KIAA1549: variants seen among roughly 807,000 people sequenced by gnomAD.
KIAA1549 encodes the protein UPF0606 protein KIAA1549.
KIAA1549 carries 70 observed loss-of-function variants against 156.4 expected under a neutral mutation model. That is an observed-to-expected ratio of 0.45 (90% CI 0.37 to 0.55). The LOEUF is 0.55. KIAA1549 is among the 20% of genes least tolerant of loss of function. KIAA1549 has a pLI of 0.00. For missense variants in KIAA1549, 2,428 were observed against 2,540.9 expected (o/e 0.96, Z 0.96); for synonymous variants, 1,103 against 1,066.4 (o/e 1.03, Z -0.67).
chr7:138,895,994 T>C (rs1204639623), intron 9 of KIAA1549, among the ~76,000 whole-genome samples: 8 of 137,628 alleles, frequency 5.8e-5, no homozygotes, highest in African/African-American at 2.1e-4. Flanking sequence ...CCCACTTCTC[T>C]TTCACGGCAT....
chr7:138,975,565 C>A (rs6952500), intron 1 of KIAA1549, among the ~76,000 whole-genome samples: 1 of 152,026 alleles, frequency 6.6e-6, no homozygotes, highest in Non-Finnish European at 1.5e-5. Flanking sequence ...CTTTCTTACA[C>A]CGAGGAGGAA....
intron 10 of KIAA1549, among the ~76,000 whole-genome samples, chr7:138,892,195 C>G (rs143846738): frequency 6.6e-6 from 1 of 152,334 alleles, no homozygotes; most frequent in African/African-American, 2.4e-5. Flanking sequence ...ATTTGATTTA[C>G]AGCCACATCT....
intron 1 of KIAA1549, among the ~76,000 whole-genome samples, chr7:138,926,033 G>C (rs529072462): frequency 2.5e-4 from 38 of 152,206 alleles, no homozygotes; most frequent in Middle Eastern, 3.4e-3. Context: ...GGGCTGGCCT[G>C]GGAGGCCCAA....
Position 138,840,356 on chromosome 7 carries a change from C to T in KIAA1549, c.5453-78G>A, listed in dbSNP as rs1055486159. The T allele has an allele frequency of 3.0e-6, 4 of 1,322,278 alleles. No individual in the cohort carries two copies. In the African/African-American group the frequency reaches 4.3e-5, roughly 14 times the overall value. The allele number at this position is 1,322,278 out of a possible 1,614,324, so 81.9% of individuals were successfully genotyped here. A position where few individuals can be genotyped will look rare whatever the true frequency, so the allele number is the denominator to read the frequency against. On this transcript the variant is annotated intron_variant, in intron 18 of 19. Coordinates refer to ENST00000422774, the MANE Select transcript of KIAA1549 (RefSeq NM_001164665.2). The stretch of plus-strand genomic sequence containing the variant: ...TGCTGAGGATGGCTGCCGAGGAAGA[C>T]ACTGTCAACTCTGACCACTACACTC...
chr7:138,955,590 G>C (rs201240756), intron 1 of KIAA1549, among the ~76,000 whole-genome samples: 1 of 83,278 alleles, frequency 1.2e-5, no homozygotes. Context: ...ATCATGGCAT[G>C]AAAATGTTTA....
At chr7:138,979,966 C>T (rs1015284548) in intron 1 of KIAA1549, among the ~76,000 whole-genome samples, 17 of 152,194 alleles carry the variant, frequency 1.1e-4, no homozygotes, top group African/African-American at 4.1e-4. Context: ...CCCTGAAGTC[C>T]TCCCTGTGCT....
intron 17 of KIAA1549, among the ~76,000 whole-genome samples, chr7:138,845,416 C>T (rs1034296918): frequency 7.9e-5 from 12 of 152,030 alleles, no homozygotes; most frequent in African/African-American, 2.4e-4. Flanking sequence ...CCTTTTAGAT[C>T]ATCTTAAAAA....
In KIAA1549 at chr7:138,960,306, T is replaced by C. The variant is rs569012249; in HGVS notation, c.187+20777A>G. Among the ~76,000 whole-genome samples, 6 of 151,578 alleles carry C rather than the reference T, an allele frequency of 4.0e-5. No homozygotes were observed. In the South Asian group the frequency reaches 1.2e-3, roughly 32 times the overall value. ...ATTTTATTTTATTGATTTATTGATT[T>C]ATTTATTTATTTATTTATTTTGAGA... is the stretch of plus-strand genomic sequence containing the variant. On this transcript the variant is annotated intron_variant, in intron 1 of 19. Transcript: ENST00000422774.
chr7:138,898,884 C>T, intron 9 of KIAA1549, 71 bp downstream of exon 9: 1 of 1,349,478 alleles, frequency 7.4e-7, no homozygotes, highest in Non-Finnish European at 1.1e-6. Context: ...ATTCAGAGCT[C>T]ACTGTCAGAA....
rs138568815 is a variant in KIAA1549 at position 138,939,557 on chromosome 7, T to C, written c.188-20119A>G. ...ACGTGTTCTTCCCCCAAATTTCTTA[T>C]AAACTGGTAGTTAGATCAAGAGGCT... On this transcript the variant is annotated intron_variant, in intron 1 of 19. Coordinates refer to ENST00000422774, the MANE Select transcript of KIAA1549 (RefSeq NM_001164665.2). 4.5e-3 allele frequency among the ~76,000 whole-genome samples: 687 copies of C among 152,356 alleles called. 6 individuals are homozygous for C. The highest frequency in any genetic ancestry group is 0.016 in the African/African-American group (664 of 41,588).
intron 10 of KIAA1549, among the ~76,000 whole-genome samples, chr7:138,886,305 C>T (rs1811389359): frequency 6.6e-6 from 1 of 151,878 alleles, no homozygotes; most frequent in African/African-American, 2.4e-5. Flanking sequence ...GATGTGGTCT[C>T]GCTCTGTCAC....
chr7:138,916,085 G>A lies in KIAA1549; in HGVS notation c.2878+663C>T, dbSNP rs145444771. Among the ~76,000 whole-genome samples, 348 of 152,254 alleles carry A rather than the reference G, an allele frequency of 2.3e-3. 1 individual carries two copies. Among genetic ancestry groups the A allele is most frequent in the African/African-American group, 7.8e-3 (325 of 41,538 alleles). On this transcript the variant is annotated intron_variant, in intron 2 of 19. Transcript: ENST00000422774. ...ATTTAGTCACTACTTTTCTTTCCTC[G>A]GGACCCAAGGAGCATTTACAGGGAC...
intron 1 of KIAA1549, among the ~76,000 whole-genome samples, chr7:138,930,958 C>T (rs1355496847): frequency 1.3e-5 from 2 of 152,216 alleles, no homozygotes; most frequent in African/African-American, 4.8e-5. Context: ...ACATGCAACT[C>T]TTCCTCTCAC....
intron 1 of KIAA1549, among the ~76,000 whole-genome samples, chr7:138,978,292 A>G (rs1010190328): frequency 3.3e-5 from 5 of 152,336 alleles, no homozygotes; most frequent in South Asian, 2.1e-4. Context: ...ATTCCCTACA[A>G]AGCAATCTAT....
chr7:138,906,878 C>A lies in KIAA1549; in HGVS notation c.3460+41G>T, dbSNP rs1180871978. 2.2e-6 allele frequency: 3 copies of A among 1,351,598 alleles called. No individual in the cohort carries two copies. In the African/African-American group the frequency reaches 4.5e-5, roughly 20 times the overall value. The allele number at this position is 1,351,598 out of a possible 1,614,324, so 83.7% of individuals were successfully genotyped here. A position where few individuals can be genotyped will look rare whatever the true frequency, so the allele number is the denominator to read the frequency against. ...GAAGAGGTCTTCCACCAAAAATGCC[C>A]GCCATCACCTCCCCAGCATGTCCAA... On this transcript the variant is annotated intron_variant, in intron 6 of 19. Transcript: ENST00000422774.
chr7:138,897,795 A>G (rs1274192911), intron 9 of KIAA1549, among the ~76,000 whole-genome samples: 2 of 144,492 alleles, frequency 1.4e-5, no homozygotes, highest in African/African-American at 5.1e-5. Flanking sequence ...CAGGAGGCTG[A>G]GGCAGGAGGA....
At chr7:138,952,884 C>A (rs1189346156) in intron 1 of KIAA1549, among the ~76,000 whole-genome samples, 1 of 152,176 alleles carries the variant, frequency 6.6e-6, no homozygotes. Flanking sequence ...AAGGAGAGGC[C>A]TGGAGGCAAA....
rs6952441 is a variant in KIAA1549 at position 138,885,088 on chromosome 7, G to A, written c.4033-3504C>T. ...CACGTGCCTGTAATCCCAGCTACTC[G>A]GGAGGCTGAGGCAGGAGAATAGCTT... On this transcript the variant is annotated intron_variant, in intron 10 of 19. Transcript: ENST00000422774. Among the ~76,000 whole-genome samples the A allele has an allele frequency of 7.4e-3, 1,128 of 152,098 alleles. 20 individuals are homozygous for A. Among genetic ancestry groups the A allele is most frequent in the African/African-American group, 0.026 (1,087 of 41,428 alleles).
Position 138,868,126 on chromosome 7 carries a change from G to A in KIAA1549, c.4778C>T (p.Ser1593Leu), listed in dbSNP as rs572540609. 184 of 1,612,364 alleles carry A rather than the reference G, an allele frequency of 1.1e-4. 4 individuals carry two copies. The South Asian group carries it at 1.9e-3, about 16-fold the overall frequency. ...PSVFIEPRKS[S>L]RIKRSPKPRR... ...AGGCTTGGGAGAACGTTTTATCCGT[G>A]AGCTGCCAGGAAAAAGAGAAATTAT... The change falls in exon 15 of 20, where the codon TCA becomes TTA. Residue 1593 changes from serine to leucine, a missense_variant and splice_region_variant. Ser to Leu is a moderately radical substitution (Grantham distance 145). Coordinates refer to ENST00000422774, the MANE Select transcript of KIAA1549 (RefSeq NM_001164665.2).
Sources: allele counts gnomAD v4.1 joint callset (sites outside exome capture counted in the v4.1 genomes callset), GRCh38; gene constraint gnomAD v4.1.1; transcripts MANE v1.5; gene names NCBI Gene and HGNC (gene_info 2026-07-23, HGNC 2026-07-21).